The following VPS41 variants were observed in gnomAD, a reference collection of about 807,000 sequenced individuals.
VPS41 encodes VPS41 subunit of HOPS complex, also known as vacuolar protein sorting-associated protein 41 homolog.
A neutral mutation model predicts 130.9 loss-of-function variants in VPS41; 85 were observed. The observed-to-expected ratio is 0.65, with a 90% CI of 0.55 to 0.78. VPS41 has a LOEUF of 0.78. Ranked by LOEUF, VPS41 falls within the 30% of genes least tolerant of loss-of-function variation. VPS41 has a pLI of 0.00. For synonymous variants in VPS41, 335 were observed against 332.9 expected, an observed-to-expected ratio of 1.01 and a Z score of -0.07; for missense variants, 874 against 1,018.7, an observed-to-expected ratio of 0.86 and a Z score of 1.93.
At chr7:38,899,304 CTTAA>C (rs1388779477) in intron 1 of VPS41, among the ~76,000 whole-genome samples, 1 of 152,174 alleles carries the variant, frequency 6.6e-6, no homozygotes, top group African/African-American at 2.4e-5. Flanking sequence ...GCCTGTTTAG[CTTAA>C]TGTCAATCCA....
chr7:38,872,268 T>A (rs1373224078), intron 2 of VPS41, among the ~76,000 whole-genome samples: 9 of 152,100 alleles, frequency 5.9e-5, no homozygotes, highest in Non-Finnish European at 1.5e-5. Flanking sequence ...TGTGGAGGGG[T>A]CCACGAAGCA....
At chr7:38,898,053 G>A (rs1303988313) in intron 2 of VPS41, 38 bp downstream of exon 2, 4 of 1,600,084 alleles carry the variant, frequency 2.5e-6, no homozygotes, top group East Asian at 4.5e-5. Context: ...ACAACGTGGT[G>A]AGCTACAAAT....
chr7:38,772,955 A>C (rs927886311), intron 12 of VPS41, among the ~76,000 whole-genome samples: 1 of 152,216 alleles, frequency 6.6e-6, no homozygotes, highest in African/African-American at 2.4e-5. Context: ...TTAAAATTCT[A>C]CGTTTAATAC....
chr7:38,894,619 G>T (rs11772408), intron 2 of VPS41, among the ~76,000 whole-genome samples: 2 of 151,900 alleles, frequency 1.3e-5, no homozygotes, highest in East Asian at 1.9e-4. Flanking sequence ...AACATTAATC[G>T]TATCTATCTT....
At chr7:38,838,239 C>CAA (rs1000676180) in intron 4 of VPS41, among the ~76,000 whole-genome samples, 1 of 146,316 alleles carries the variant, frequency 6.8e-6, no homozygotes, top group Non-Finnish European at 1.5e-5. Flanking sequence ...AAAAAACAAA[C>CAA]AAAAAAAAAA....
At chr7:38,811,508 A>G (rs1445426779) in intron 7 of VPS41, among the ~76,000 whole-genome samples, 3 of 152,040 alleles carry the variant, frequency 2.0e-5, no homozygotes, top group African/African-American at 2.4e-5. Context: ...AGCCTTTAAC[A>G]TAAGTAAAAT....
At chr7:38,884,102 C>G (rs537541138) in intron 2 of VPS41, among the ~76,000 whole-genome samples, 1 of 152,256 alleles carries the variant, frequency 6.6e-6, no homozygotes, top group South Asian at 2.1e-4. Context: ...TGTAAAGAAT[C>G]AATTTAATTT....
intron 1 of VPS41, among the ~76,000 whole-genome samples, chr7:38,899,745 C>T (rs544202978): frequency 1.3e-5 from 2 of 152,274 alleles, no homozygotes; most frequent in African/African-American, 2.4e-5. Flanking sequence ...ATGTTATTAG[C>T]ATCAGCAATA....
chr7:38,898,108 A>T lies in VPS41; in HGVS notation c.43T>A (p.Ser15Thr). ...CACCTTACCTCAGACTCATCTGTAG[A>T]TTCTTCAAGGGACCCAGTTTCCTAT... ...EEQETGSLEESTDESEEEESE... is the reference protein window; with the variant it reads ...EEQETGSLEETTDESEEEESE... Residue 15 changes from serine to threonine, a missense_variant, in exon 2 of 29, where the codon TCT (serine) becomes ACT (threonine). Ser to Thr is a moderately conservative substitution (Grantham distance 58). Coordinates refer to ENST00000310301, the MANE Select transcript of VPS41 (RefSeq NM_014396.4). 3 of 1,613,838 alleles carry T rather than the reference A, an allele frequency of 1.9e-6. No individual in the cohort carries two copies. The highest frequency in any genetic ancestry group is 2.5e-6 in the Non-Finnish European group (3 of 1,179,772).
intron 2 of VPS41, among the ~76,000 whole-genome samples, chr7:38,874,952 T>C (rs1786455877): frequency 6.6e-6 from 1 of 152,194 alleles, no homozygotes; most frequent in Non-Finnish European, 1.5e-5. Flanking sequence ...AAAAATTCTC[T>C]CTTTACAAAT....
intron 10 of VPS41, among the ~76,000 whole-genome samples, chr7:38,784,781 C>T (rs1422703623): frequency 6.6e-6 from 1 of 152,154 alleles, no homozygotes; most frequent in Non-Finnish European, 1.5e-5. Context: ...AGTCAGGGTG[C>T]CCCAGCCCCT....
At chr7:38,767,449 G>C (rs1784068538) in intron 15 of VPS41, 88 bp downstream of exon 15, 1 of 772,130 alleles carries the variant, frequency 1.3e-6, no homozygotes, top group Non-Finnish European at 2.0e-6. Flanking sequence ...AAAATAAAAT[G>C]TCAACTGCAA....
At chr7:38,905,060 C>A (rs993063208) in intron 1 of VPS41, among the ~76,000 whole-genome samples, 2 of 152,128 alleles carry the variant, frequency 1.3e-5, no homozygotes, top group African/African-American at 4.8e-5. Flanking sequence ...AATAATTTCA[C>A]GCAAATCCTA....
intron 22 of VPS41, among the ~76,000 whole-genome samples, chr7:38,751,914 T>C (rs184348405): frequency 6.6e-6 from 1 of 152,314 alleles, no homozygotes; most frequent in East Asian, 1.9e-4. Context: ...GATGGTTGAT[T>C]AAGTCCTAGA....
In VPS41 at chr7:38,853,418, C is replaced by CAAAAA. The variant is rs57368681; in HGVS notation, c.246+9122_246+9126dup. ...TGGGCGACAGAGCGAGACTCCTTCT[C>CAAAAA]AAAAAAAAAAAAAAAAAAAAAAAGT... On this transcript the variant is annotated intron_variant, in intron 4 of 28. Transcript: ENST00000310301. Among the ~76,000 whole-genome samples, 8 of 78,914 alleles carry CAAAAA rather than the reference C, an allele frequency of 1.0e-4. 1 individual carries two copies. The highest frequency in any genetic ancestry group is 1.6e-4 in the Admixed American group (1 of 6,364). The allele number at this position is 78,914 out of a possible 152,430, so 51.8% of individuals were successfully genotyped here.
chr7:38,877,826 AC>A (rs777421773), intron 2 of VPS41, among the ~76,000 whole-genome samples: 71 of 152,204 alleles, frequency 4.7e-4, no homozygotes, highest in Non-Finnish European at 8.4e-4. Context: ...AAGAAACATA[AC>A]CCACCTGAAC....
intron 4 of VPS41, among the ~76,000 whole-genome samples, chr7:38,837,824 T>C (rs913275334): frequency 7.2e-5 from 11 of 152,248 alleles, no homozygotes; most frequent in African/African-American, 2.7e-4. Flanking sequence ...AAGTTATTAA[T>C]GTTTGGGTTA....
intron 2 of VPS41, among the ~76,000 whole-genome samples, chr7:38,884,662 A>G (rs1055187315): frequency 6.6e-6 from 1 of 152,146 alleles, no homozygotes; most frequent in Non-Finnish European, 1.5e-5. Flanking sequence ...GCCTACACCA[A>G]TTAACTGTTC....
chr7:38,837,086 T>C (rs569749148), intron 4 of VPS41, among the ~76,000 whole-genome samples: 1 of 152,244 alleles, frequency 6.6e-6, no homozygotes, highest in South Asian at 2.1e-4. Flanking sequence ...AAAGGTATTA[T>C]GTAGTAAGGT....
Sources: gnomAD v4.1 joint callset for allele counts (sites outside exome capture counted in the v4.1 genomes callset) on GRCh38, gnomAD v4.1.1 for gene constraint, MANE v1.5 for transcripts, NCBI Gene and HGNC (gene_info 2026-07-23, HGNC 2026-07-21) for gene names.